GNS: variants seen among roughly 807,000 people sequenced by gnomAD.
GNS encodes the protein glucosamine (N-acetyl)-6-sulfatase.
In GNS, 40 loss-of-function variants were observed where a neutral mutation model predicts 69.7. That is an observed-to-expected ratio of 0.57 (90% confidence interval 0.45 to 0.75). The LOEUF (loss-of-function observed/expected upper bound fraction) is 0.75, where lower values mean the gene tolerates loss of function less well. Ranked by LOEUF, GNS falls within the 30% of genes least tolerant of loss-of-function variation. GNS has a pLI of 0.00. For synonymous variants in GNS, 243 were observed against 251.6 expected, an observed-to-expected ratio of 0.97 and a Z score of 0.32; for missense variants, 565 against 685.5, an observed-to-expected ratio of 0.82 and a Z score of 1.96.
chr12:64,720,041 G>C lies in GNS; in HGVS notation c.1561C>G (p.Pro521Ala). 6.2e-7 allele frequency: 1 copy of C among 1,613,248 alleles called. No individual in the cohort carries two copies. The highest frequency in any genetic ancestry group is 8.5e-7 in the Non-Finnish European group (1 of 1,179,250). ...QSCSGPTCRTPGVFDPGYRFD... is the reference protein window; with the variant it reads ...QSCSGPTCRTAGVFDPGYRFD... ...ACTTACCCGGGGTCAAAAACCCCTG[G>C]AGTGCGACAGGTTGGCCCAGAACAG... is the stretch of plus-strand genomic sequence containing the variant. The change falls in exon 13 of 14, where the codon CCA (proline) becomes GCA (alanine). Residue 521 changes from proline (P) to alanine (A), a missense_variant. By Grantham distance (27) the Pro-to-Ala change is conservative (BLOSUM62 -1). Transcript: ENST00000258145.
intron 6 of GNS, among the ~76,000 whole-genome samples, chr12:64,741,670 T>A (rs1403694491): frequency 6.6e-6 from 1 of 152,060 alleles, no homozygotes; most frequent in Non-Finnish European, 1.5e-5. Flanking sequence ...TTCCTAAAAC[T>A]TCAAGTCTAA....
chr12:64,734,278 GTATGTTAGGGGCTGGA>G (rs1869493728), intron 9 of GNS, among the ~76,000 whole-genome samples: 2 of 152,218 alleles, frequency 1.3e-5, no homozygotes. Flanking sequence ...GTTCCCCAGT[GTATGTTAGGGGCTGGA>G]TATTTTAAGT....
chr12:64,731,517 C>T (rs1869389092), intron 9 of GNS, among the ~76,000 whole-genome samples: 1 of 152,196 alleles, frequency 6.6e-6, no homozygotes, highest in Admixed American at 6.5e-5. Flanking sequence ...CTATAATGAT[C>T]ACACTCCCCT....
chr12:64,723,753 G>GA (rs2136238239), intron 10 of GNS, among the ~76,000 whole-genome samples: 2 of 152,320 alleles, frequency 1.3e-5, no homozygotes, highest in East Asian at 3.9e-4. Flanking sequence ...CAAAGAGCAT[G>GA]AATATAGGTT....
intron 12 of GNS, among the ~76,000 whole-genome samples, chr12:64,720,685 A>T (rs1868998467): frequency 6.6e-6 from 1 of 152,210 alleles, no homozygotes; most frequent in Non-Finnish European, 1.5e-5. Context: ...TTTAAAAAGT[A>T]ATTGTGGATA....
rs138709141 is a variant in GNS, at chr12:64,728,491, T to C, written c.1200+465A>G. On this transcript the variant is annotated intron_variant, in intron 10 of 13. Coordinates refer to ENST00000258145, the MANE Select transcript of GNS (RefSeq NM_002076.4). Reference sequence around the variant, plus strand: ...TCCAAATTCTCAGACTTCTGAAATCTTGGGTATTTTAAAAATCTTTGCCAG... The same window carrying C: ...TCCAAATTCTCAGACTTCTGAAATCCTGGGTATTTTAAAAATCTTTGCCAG... 9.5e-3 allele frequency among the ~76,000 whole-genome samples: 1,445 copies of C among 152,358 alleles called. 8 individuals are homozygous for C. Among genetic ancestry groups the C allele is most frequent in the Non-Finnish European group, 0.016 (1,069 of 68,038 alleles).
Position 64,720,169 on chromosome 12 carries a change from A to C in GNS, c.1433T>G (p.Val478Gly), listed in dbSNP as rs1411480640. The C allele has an allele frequency of 5.0e-6, 8 of 1,597,566 alleles. No individual in the cohort carries two copies. Among genetic ancestry groups the C allele is most frequent in the Non-Finnish European group, 6.9e-6 (8 of 1,165,070 alleles). ...GTCTGGGTCTGCAGTCAGATTATAG[A>C]CTTCTACAAACACCTAGAGGACATG... The part of the protein sequence containing the change: ...EFDDQEVFVE[V>G]YNLTADPDQI... The change falls in exon 13 of 14, where the codon GTC becomes GGC. Residue 478 changes from valine to glycine, a missense_variant. Around this residue, in one of 2 missense-constraint regions of GNS, gnomAD observed 384 missense variants for 511.0 expected, o/e 0.75. Transcript: ENST00000258145.
intron 3 of GNS, among the ~76,000 whole-genome samples, chr12:64,747,346 G>A (rs1869926231): frequency 6.6e-6 from 1 of 152,130 alleles, no homozygotes; most frequent in Non-Finnish European, 1.5e-5. Flanking sequence ...CTGATAACAA[G>A]GAATGGAAAC....
intron 1 of GNS, chr12:64,756,791 T>G (rs751811021): frequency 7.8e-7 from 1 of 1,281,682 alleles, no homozygotes; most frequent in South Asian, 1.3e-5. Context: ...TTCTTGAGTT[T>G]GGAACATTAA....
At chr12:64,739,638 TAAAA>T in intron 7 of GNS, 139 bp from the exon 8 acceptor site, 1 of 454,608 alleles carries the variant, frequency 2.2e-6, no homozygotes, top group Non-Finnish European at 4.0e-6. Flanking sequence ...AACCCCCGTT[TAAAA>T]AAAAAAAATT....
rs1158508086 is a variant in GNS at position 64,715,271 on chromosome 12, C to T, written c.*1470G>A. On this transcript the variant is annotated 3_prime_UTR_variant, in exon 14 of 14. Coordinates refer to ENST00000258145, the MANE Select transcript of GNS (RefSeq NM_002076.4). ...TGGTGGCTCATGCCTGTAATCCCAG[C>T]ACTCTGGGAGGCCGAGGTGGGTGGA... The T allele has an allele frequency of 2.6e-5, 4 of 152,204 alleles. No individual in the cohort carries two copies. The highest frequency in any genetic ancestry group is 9.7e-5 in the African/African-American group (4 of 41,434). 9.4% of individuals were successfully genotyped at this position (152,204 alleles called of 1,614,324 possible).
intron 1 of GNS, among the ~76,000 whole-genome samples, chr12:64,757,419 C>T (rs943791549): frequency 1.3e-5 from 2 of 151,960 alleles, no homozygotes; most frequent in Non-Finnish European, 2.9e-5. Context: ...GACACATTTT[C>T]TTTTTTTTAA....
chr12:64,724,645 G>C (rs1435401118), intron 10 of GNS, among the ~76,000 whole-genome samples: 4 of 152,120 alleles, frequency 2.6e-5, no homozygotes. Flanking sequence ...ATCACCTGAG[G>C]TCAGGAGTTC....
chr12:64,742,304 G>A (rs958626373), intron 6 of GNS, among the ~76,000 whole-genome samples: 1 of 152,208 alleles, frequency 6.6e-6, no homozygotes, highest in Non-Finnish European at 1.5e-5. Context: ...ACAGGCATGA[G>A]CCACTGCGCC....
intron 1 of GNS, 174 bp from the exon 2 acceptor site, chr12:64,752,931 G>C: frequency 1.6e-6 from 1 of 616,954 alleles, no homozygotes; most frequent in African/African-American, 1.8e-5. Flanking sequence ...GTTCCGGCCA[G>C]CTCCATCCTG....
Position 64,759,270 on chromosome 12 carries a change from G to A in GNS, c.7C>T (p.Leu3Phe). The A allele has an allele frequency of 2.0e-6, 3 of 1,522,380 alleles. No homozygotes were observed. The highest frequency in any genetic ancestry group is 1.2e-5 in the South Asian group (1 of 80,820). 94.3% of individuals were successfully genotyped at this position (1,522,380 alleles called of 1,614,324 possible). A position where few individuals can be genotyped will look rare whatever the true frequency, so the allele number is the denominator to read the frequency against. MR[L>F]LPLAPGRLRR... Reference sequence around the variant, plus strand: ...AGCCGACCTGGGGCTAGAGGCAGGAGCCGCATAGCGGACAGGCTCCGGGGT... The same window carrying A: ...AGCCGACCTGGGGCTAGAGGCAGGAACCGCATAGCGGACAGGCTCCGGGGT... The change falls in exon 1 of 14, where the codon CTC (leucine) becomes TTC (phenylalanine). Residue 3 changes from leucine (L) to phenylalanine (F), a missense_variant. Physicochemically the swap from Leu to Phe is conservative, Grantham distance 22. This residue lies in a region of GNS where 181 missense variants were observed against 174.4 expected (regional missense o/e 1.04). Coordinates refer to ENST00000258145, the MANE Select transcript of GNS (RefSeq NM_002076.4).
At chr12:64,730,618 T>A (rs1318904803) in intron 9 of GNS, among the ~76,000 whole-genome samples, 1 of 152,068 alleles carries the variant, frequency 6.6e-6, no homozygotes, top group Non-Finnish European at 1.5e-5. Context: ...AATCCATATG[T>A]TACTCAGTGG....
At position 64,740,626 on chromosome 12, in the gene GNS, TA is replaced by T; in HGVS notation, c.854del (p.Leu285Ter). On this transcript the variant is annotated frameshift_variant, in exon 7 of 14. Coordinates refer to ENST00000258145, the MANE Select transcript of GNS (RefSeq NM_002076.4). LOFTEE classifies it high-confidence loss of function. ...TPMTNSSIQF[L>X]DNAFRKRWQT... The stretch of plus-strand genomic sequence containing the variant: ...CTTACCTTTTCCTAAATGCATTATC[TA>T]AAAACTGTATTGAAGAATTAGTCAT... 2 of 1,568,682 alleles carry T rather than the reference TA, an allele frequency of 1.3e-6. No individual in the cohort carries two copies. The highest frequency in any genetic ancestry group is 1.8e-6 in the Non-Finnish European group (2 of 1,138,658).
At chr12:64,739,638 TAAA>T in intron 7 of GNS, 139 bp from the exon 8 acceptor site, 3 of 454,596 alleles carry the variant, frequency 6.6e-6, no homozygotes, top group Non-Finnish European at 1.2e-5. Flanking sequence ...AACCCCCGTT[TAAA>T]AAAAAAAAAT....
Sources: allele counts gnomAD v4.1 joint callset (sites outside exome capture counted in the v4.1 genomes callset), GRCh38; gene constraint gnomAD v4.1.1; regional missense constraint gnomAD v4.1.1; transcripts MANE v1.5; gene names NCBI Gene and HGNC (gene_info 2026-07-23, HGNC 2026-07-21).